The following CDH12 variants were observed in gnomAD, a reference collection of about 807,000 sequenced individuals.
CDH12 encodes cadherin-12.
Under a neutral mutation model 74.1 loss-of-function variants are expected in CDH12, and 41 were observed. That is an observed-to-expected ratio of 0.55 (90% CI 0.43 to 0.72). The LOEUF (loss-of-function observed/expected upper bound fraction) is 0.72, where lower values mean the gene tolerates loss of function less well. Ranked by LOEUF, CDH12 falls within the 30% of genes least tolerant of loss-of-function variation. The probability of loss-of-function intolerance (pLI) is 0.00; values close to 1 mark genes in which losing one functional copy is unlikely to be tolerated. For synonymous variants in CDH12, 399 were observed against 355.0 expected (o/e 1.12, Z -1.39); for missense variants, 945 against 977.2 (o/e 0.97, Z 0.44).
chr5:22,779,192 CTT>C (rs1747264068), intron 1 of CDH12, among the ~76,000 whole-genome samples: 1 of 152,140 alleles, frequency 6.6e-6, no homozygotes, highest in African/African-American at 2.4e-5. Context: ...GGCAATAGCA[CTT>C]TGATGTTTAT....
intron 1 of CDH12, among the ~76,000 whole-genome samples, chr5:22,506,127 C>T (rs986307079): frequency 4.6e-5 from 7 of 152,064 alleles, no homozygotes; most frequent in African/African-American, 1.7e-4. Context: ...GCCACCGTTT[C>T]GTACTATAAA....
chr5:22,415,504 T>A (rs1339419212), intron 2 of CDH12, among the ~76,000 whole-genome samples: 1 of 152,216 alleles, frequency 6.6e-6, no homozygotes, highest in African/African-American at 2.4e-5. Flanking sequence ...GAAAAGTTCT[T>A]ACATAGTGTG....
intron 1 of CDH12, among the ~76,000 whole-genome samples, chr5:22,587,498 G>A (rs145988776): frequency 1.4e-3 from 211 of 152,236 alleles, no homozygotes; most frequent in Admixed American, 4.9e-3. Flanking sequence ...TGTGTCACTC[G>A]GATGAAGGCC....
chr5:22,562,344 A>AAAC (rs1739091957), intron 1 of CDH12, among the ~76,000 whole-genome samples: 1 of 151,334 alleles, frequency 6.6e-6, no homozygotes, highest in East Asian at 1.9e-4. Context: ...ACAAACAAAC[A>AAAC]AAAAAAAACA....
chr5:21,957,588 C>A (rs1056830152), intron 6 of CDH12, among the ~76,000 whole-genome samples: 23 of 152,138 alleles, frequency 1.5e-4, no homozygotes, highest in African/African-American at 5.3e-4. Context: ...TATTTTTTGA[C>A]ATTTTAATAG....
At chr5:22,075,979 C>G (rs943150534) in intron 5 of CDH12, among the ~76,000 whole-genome samples, 1 of 151,542 alleles carries the variant, frequency 6.6e-6, no homozygotes, top group East Asian at 1.9e-4. Flanking sequence ...TAAATTGGTC[C>G]CCATGTTATC....
intron 2 of CDH12, among the ~76,000 whole-genome samples, chr5:22,497,447 C>G (rs1290134328): frequency 6.6e-6 from 1 of 152,020 alleles, no homozygotes; most frequent in South Asian, 2.1e-4. Context: ...ACCCGTTATT[C>G]TGCTGTATCT....
At chr5:22,321,113 C>T (rs1353940545) in intron 3 of CDH12, among the ~76,000 whole-genome samples, 2 of 151,994 alleles carry the variant, frequency 1.3e-5, no homozygotes, top group Non-Finnish European at 2.9e-5. Flanking sequence ...TGATAGGGGA[C>T]AGGAAGGAAA....
intron 5 of CDH12, among the ~76,000 whole-genome samples, chr5:21,981,848 T>G (rs1757320333): frequency 6.6e-6 from 1 of 152,104 alleles, no homozygotes; most frequent in Non-Finnish European, 1.5e-5. Flanking sequence ...TTTCTATTTT[T>G]TTATTTGTAG....
chr5:22,131,898 C>G (rs1361836926), intron 4 of CDH12, among the ~76,000 whole-genome samples: 1 of 152,056 alleles, frequency 6.6e-6, no homozygotes, highest in Non-Finnish European at 1.5e-5. Flanking sequence ...TTGAAAGGCA[C>G]TGTAATGTGC....
At chr5:21,828,824 C>T (rs1351888333) in intron 8 of CDH12, among the ~76,000 whole-genome samples, 1 of 150,798 alleles carries the variant, frequency 6.6e-6, no homozygotes, top group African/African-American at 2.4e-5. Flanking sequence ...CCTAAAGCCA[C>T]ATTTTGATGA....
chr5:22,284,648 C>G (rs559234266), intron 3 of CDH12, among the ~76,000 whole-genome samples: 1 of 152,032 alleles, frequency 6.6e-6, no homozygotes, highest in Non-Finnish European at 1.5e-5. Context: ...AATTACATTC[C>G]AAAAGTTTTG....
At position 21,928,376 on chromosome 5, in the gene CDH12, C is replaced by A. The variant is rs1401172695; in HGVS notation, c.526+46715G>T. Among the ~76,000 whole-genome samples the A allele has an allele frequency of 3.9e-5, 6 of 152,190 alleles. No homozygotes were observed. The South Asian group carries it at 8.3e-4, about 21-fold the overall frequency. ...GAGTTAGTGGGAGAAAAAATAGCCA[C>A]TTTACATTTGGAGGAAAGCAATGTT... On this transcript the variant is annotated intron_variant, in intron 6 of 14. Transcript: ENST00000382254.
At chr5:21,991,242 C>A (rs1757736108) in intron 5 of CDH12, among the ~76,000 whole-genome samples, 1 of 151,486 alleles carries the variant, frequency 6.6e-6, no homozygotes, top group African/African-American at 2.4e-5. Context: ...CCATAATTTG[C>A]TTTGAAAGAC....
In CDH12 at chr5:21,763,219, G is replaced by A. The variant is rs561496155; in HGVS notation, c.1515+1759C>T. On this transcript the variant is annotated intron_variant, in intron 12 of 14. Coordinates refer to ENST00000382254, the MANE Select transcript of CDH12 (RefSeq NM_004061.5). ...TCAAATGGAAGAGTAGAGCAGCACA[G>A]TCCACTAGAAATGTCCATGGTTATG... 4.6e-5 allele frequency among the ~76,000 whole-genome samples: 7 copies of A among 152,304 alleles called. No individual in the cohort carries two copies. In the East Asian group the frequency reaches 1.4e-3, roughly 29 times the overall value.
intron 3 of CDH12, among the ~76,000 whole-genome samples, chr5:22,297,963 A>G (rs1055838133): frequency 6.6e-6 from 1 of 151,840 alleles, no homozygotes; most frequent in Non-Finnish European, 1.5e-5. Context: ...AACTTAATTT[A>G]ATTTTTATAT....
chr5:22,511,837 A>T (rs1272377174), intron 1 of CDH12, among the ~76,000 whole-genome samples: 2 of 152,244 alleles, frequency 1.3e-5, no homozygotes, highest in African/African-American at 2.4e-5. Flanking sequence ...TTCAGTTATG[A>T]CAATCAAAAA....
intron 5 of CDH12, among the ~76,000 whole-genome samples, chr5:22,072,733 C>T (rs948222609): frequency 2.6e-5 from 4 of 151,980 alleles, no homozygotes; most frequent in Admixed American, 6.6e-5. Context: ...CTCTCCCCAC[C>T]CCAGTGTGTG....
chr5:22,178,963 G>T (rs1580363611), intron 4 of CDH12, among the ~76,000 whole-genome samples: 1 of 152,240 alleles, frequency 6.6e-6, no homozygotes, highest in East Asian at 1.9e-4. Flanking sequence ...AGATTGTGAG[G>T]TGAGGACTCA....
Sources: gnomAD v4.1 joint callset for allele counts (sites outside exome capture counted in the v4.1 genomes callset) on GRCh38, gnomAD v4.1.1 for gene constraint, MANE v1.5 for transcripts, NCBI Gene and HGNC (gene_info 2026-07-23, HGNC 2026-07-21) for gene names.